Variants in MAP3K19 observed in about 807,000 individuals in gnomAD.
MAP3K19 encodes the protein SPS1/STE20-related protein kinase YSK4.
In MAP3K19, 91 loss-of-function variants were observed where a neutral mutation model predicts 114.4. The ratio of observed to expected loss-of-function variants is 0.80; its 90% CI spans 0.67 to 0.95. MAP3K19 has a LOEUF of 0.95. MAP3K19 is among the 40% of genes least tolerant of loss of function. MAP3K19 has a pLI of 0.00. For synonymous variants in MAP3K19, 518 were observed against 530.5 expected (o/e 0.98, Z 0.32); for missense variants, 1,471 against 1,573.2 (o/e 0.94, Z 1.10).
At chr2:135,018,646 T>C (rs1444736071) in intron 5 of MAP3K19, among the ~76,000 whole-genome samples, 3 of 152,240 alleles carry the variant, frequency 2.0e-5, no homozygotes, top group African/African-American at 7.2e-5. Flanking sequence ...GGACCAGATC[T>C]TTTTTCTTTT....
At chr2:135,027,267 A>AAGAG (rs944823112) in intron 3 of MAP3K19, among the ~76,000 whole-genome samples, 3 of 150,898 alleles carry the variant, frequency 2.0e-5, no homozygotes, top group Non-Finnish European at 3.0e-5. Context: ...GGAAGAAAGA[A>AAGAG]AGAGAGAGAG....
Position 134,983,855 on chromosome 2 carries a change from C to A in MAP3K19, c.3073-30G>T, listed in dbSNP as rs16831223. 28,318 of 1,500,344 alleles carry A rather than the reference C, an allele frequency of 0.019. 3,007 individuals are homozygous for A. The East Asian group carries it at 0.36, about 19-fold the overall frequency. 92.9% of individuals were successfully genotyped at this position (1,500,344 alleles called of 1,614,324 possible). ...AAGAATGAGACAAAAGGAAAGATGACCATTAAACCAAGTCACTGGGATGGA... is the reference window on the plus strand; with the variant it reads ...AAGAATGAGACAAAAGGAAAGATGAACATTAAACCAAGTCACTGGGATGGA... On this transcript the variant is annotated intron_variant, in intron 10 of 12. Coordinates refer to ENST00000392915, the MANE Select transcript of MAP3K19 (RefSeq NM_025052.5).
At chr2:135,014,965 AT>A (rs1361997701) in intron 5 of MAP3K19, among the ~76,000 whole-genome samples, 1 of 152,124 alleles carries the variant, frequency 6.6e-6, no homozygotes, top group African/African-American at 2.4e-5. Context: ...GCACTTGGGT[AT>A]TTTCCATTTG....
chr2:135,001,070 AG>A (rs934532490), intron 6 of MAP3K19, among the ~76,000 whole-genome samples: 6 of 152,096 alleles, frequency 3.9e-5, no homozygotes, highest in Non-Finnish European at 5.9e-5. Flanking sequence ...CCATAGTGAA[AG>A]CATTTTTGTT....
At chr2:135,020,207 T>G (rs1290174717) in intron 5 of MAP3K19, among the ~76,000 whole-genome samples, 1 of 152,054 alleles carries the variant, frequency 6.6e-6, no homozygotes. Flanking sequence ...TTAGTAGAGA[T>G]GGGCTTTCAC....
At chr2:135,044,133 A>G (rs1479119795) in intron 1 of MAP3K19, among the ~76,000 whole-genome samples, 1 of 152,240 alleles carries the variant, frequency 6.6e-6, no homozygotes, top group Non-Finnish European at 1.5e-5. Context: ...GCTACGTGTC[A>G]TATGCTTTTC....
Position 134,999,045 on chromosome 2 carries a change from T to C in MAP3K19, c.315-48A>G. 1 of 1,580,468 alleles carries C rather than the reference T, an allele frequency of 6.3e-7. No homozygotes were observed. The highest frequency in any genetic ancestry group is 8.6e-7 in the Non-Finnish European group (1 of 1,164,258). On this transcript the variant is annotated intron_variant, in intron 7 of 12. Coordinates refer to ENST00000392915, the MANE Select transcript of MAP3K19 (RefSeq NM_025052.5). The surrounding 1 kb of genome is among the most constrained non-coding windows in gnomAD (Gnocchi z 4.1). ...GATTTAAAACTCAGTTGCCACATCT[T>C]CTGGATCTCCAGTCCTCAGTTCAGC...
intron 5 of MAP3K19, among the ~76,000 whole-genome samples, chr2:135,013,106 G>A (rs1687348327): frequency 6.6e-6 from 1 of 152,010 alleles, no homozygotes; most frequent in Non-Finnish European, 1.5e-5. Context: ...GATCTCCTAA[G>A]GTCAAGGGTT....
intron 2 of MAP3K19, among the ~76,000 whole-genome samples, chr2:135,033,818 GC>G (rs1170154824): frequency 0.033 from 6 of 180 alleles, 1 homozygote; most frequent in East Asian, 0.17. Flanking sequence ...GGCTGGCCGG[GC>G]GGGGGGGCTG....
Position 134,991,524 on chromosome 2 carries a change from G to T in MAP3K19, c.618+13C>A. Reference sequence around the variant, plus strand: ...TTTAATTCTCAAGTCAAAAATGCTAGCACTAATCTTACCTTGATGCTTCGG... The same window carrying T: ...TTTAATTCTCAAGTCAAAAATGCTATCACTAATCTTACCTTGATGCTTCGG... On this transcript the variant is annotated intron_variant, in intron 9 of 12. Transcript: ENST00000392915. 1 of 1,608,710 alleles carries T rather than the reference G, an allele frequency of 6.2e-7. No individual in the cohort carries two copies. The highest frequency in any genetic ancestry group is 8.5e-7 in the Non-Finnish European group (1 of 1,175,184).
intron 2 of MAP3K19, among the ~76,000 whole-genome samples, chr2:135,034,516 C>T (rs1688480257): frequency 7.7e-6 from 1 of 129,856 alleles, no homozygotes; most frequent in African/African-American, 3.5e-5. Flanking sequence ...AGCCTGGGCA[C>T]CATTGAGCAC....
At chr2:134,993,195 A>G (rs1433982158) in intron 8 of MAP3K19, among the ~76,000 whole-genome samples, 2 of 152,108 alleles carry the variant, frequency 1.3e-5, no homozygotes, top group Non-Finnish European at 2.9e-5. Context: ...TTGTTTTTCA[A>G]TGTTGTGAGG....
chr2:135,038,644 G>C (rs1259740407), intron 2 of MAP3K19, among the ~76,000 whole-genome samples: 1 of 151,976 alleles, frequency 6.6e-6, no homozygotes, highest in African/African-American at 2.4e-5. Flanking sequence ...GCCTGAGTCT[G>C]TCAGGAGCTT....
chr2:135,019,079 CA>C (rs1296350505), intron 5 of MAP3K19, among the ~76,000 whole-genome samples: 1 of 138,730 alleles, frequency 7.2e-6, no homozygotes, highest in African/African-American at 2.7e-5. Context: ...GACTCCATCT[CA>C]AAAAAAAAGA....
In MAP3K19 at chr2:134,983,824, C is replaced by T. The variant is rs1484970887; in HGVS notation, c.3074G>A (p.Arg1025Lys). The T allele has an allele frequency of 1.3e-6, 2 of 1,561,710 alleles. No homozygotes were observed. Among genetic ancestry groups the T allele is most frequent in the South Asian group, 1.2e-5 (1 of 82,848 alleles). The change falls in exon 11 of 13, where the codon AGG (arginine) becomes AAG (lysine). Residue 1025 changes from arginine to lysine, a missense_variant and splice_region_variant. By Grantham distance (26) the Arg-to-Lys change is conservative. Coordinates refer to ENST00000392915, the MANE Select transcript of MAP3K19 (RefSeq NM_025052.5). ...GRETTKVKIQ[R>K]HSSGLRIYDR... ...ATATATCCTGAGCCCACTACTATGC[C>T]TCTGGAAGAATGAGACAAAAGGAAA...
chr2:134,987,969 GCATTGC>G lies in MAP3K19; in HGVS notation c.897_902del (p.Arg299_Cys301delinsSer), dbSNP rs764863499. On this transcript the variant is annotated inframe_deletion, in exon 10 of 13. Coordinates refer to ENST00000392915, the MANE Select transcript of MAP3K19 (RefSeq NM_025052.5). ...ATTTCCAGTTTTCCTCCTTCTCCAG[GCATTGC>G]CTGTGATGGTTAGTCTTAGGAAAAG... 4.3e-6 allele frequency: 7 copies of G among 1,613,958 alleles called. No individual in the cohort carries two copies. The highest frequency in any genetic ancestry group is 5.9e-6 in the Non-Finnish European group (7 of 1,180,026).
chr2:135,033,820 G>A (rs1382831383), intron 2 of MAP3K19, among the ~76,000 whole-genome samples: 2 of 46 alleles, frequency 0.043, no homozygotes, highest in Non-Finnish European at 0.062. Flanking sequence ...CTGGCCGGGC[G>A]GGGGGGCTGA....
rs1433050727 is a variant in MAP3K19, at chr2:134,986,071, T to C, written c.2801A>G (p.Asn934Ser). ...AAACATTTGATATGTGATTGACTTA[T>C]TTGCTAAACTATCATGATCCAAATA... The part of the protein sequence containing the change: ...VHYLDHDSLA[N>S]KSITYQMFGK... The change falls in exon 10 of 13, where the codon AAT becomes AGT. Residue 934 changes from asparagine (N) to serine (S), a missense_variant. Transcript: ENST00000392915. 6.2e-7 allele frequency: 1 copy of C among 1,613,944 alleles called. No individual in the cohort carries two copies. Among genetic ancestry groups the C allele is most frequent in the Non-Finnish European group, 8.5e-7 (1 of 1,180,002 alleles).
intron 11 of MAP3K19, among the ~76,000 whole-genome samples, chr2:134,981,889 T>TA (rs1373591256): frequency 6.0e-5 from 9 of 149,336 alleles, no homozygotes; most frequent in African/African-American, 2.2e-4. Flanking sequence ...TCTTTTTTTT[T>TA]TTTTTTTTTT....
Sources: allele counts gnomAD v4.1 joint callset (sites outside exome capture counted in the v4.1 genomes callset), GRCh38; gene constraint gnomAD v4.1.1; non-coding constraint Gnocchi (gnomAD v3.1); transcripts MANE v1.5; gene names NCBI Gene and HGNC (gene_info 2026-07-23, HGNC 2026-07-21).